Variants in SH3PXD2A observed in about 807,000 individuals in gnomAD.
SH3PXD2A encodes the protein SH3 and PX domains 2A, also known as SH3 and PX domain-containing protein 2A.
In SH3PXD2A, 32 loss-of-function variants were observed where a neutral mutation model predicts 115.2. The observed-to-expected ratio is 0.28, with a 90% CI of 0.21 to 0.37. The LOEUF is 0.37. SH3PXD2A is among the 10% of genes least tolerant of loss of function. SH3PXD2A has a pLI of 1.00. For missense variants in SH3PXD2A, 1,328 were observed against 1,498.7 expected (o/e 0.89, Z 1.88); for synonymous variants, 610 against 629.1 (o/e 0.97, Z 0.45).
intron 1 of SH3PXD2A, among the ~76,000 whole-genome samples, chr10:103,807,485 A>G (rs575038944): frequency 2.6e-5 from 4 of 152,328 alleles, no homozygotes; most frequent in Admixed American, 2.0e-4. Flanking sequence ...TCACTTGCTC[A>G]CATGACCATG....
rs1388545377 is a variant in SH3PXD2A at position 103,594,762 on chromosome 10, G to C, written c.*7054C>G. On this transcript the variant is annotated 3_prime_UTR_variant, in exon 15 of 15. Coordinates refer to ENST00000369774, the MANE Select transcript of SH3PXD2A (RefSeq NM_001394015.1). Reference sequence around the variant, plus strand: ...CTTGGTTATAAGGCAACGCAAAATGGTAGGGTATATCCATGGATGAATGTT... The same window carrying C: ...CTTGGTTATAAGGCAACGCAAAATGCTAGGGTATATCCATGGATGAATGTT... The C allele has an allele frequency of 6.6e-6, 1 of 151,992 alleles. No homozygotes were observed. The highest frequency in any genetic ancestry group is 1.5e-5 in the Non-Finnish European group (1 of 68,040). The allele number at this position is 151,992 out of a possible 1,614,324, so 9.4% of individuals were successfully genotyped here. A position where few individuals can be genotyped will look rare whatever the true frequency, so the allele number is the denominator to read the frequency against.
intron 2 of SH3PXD2A, among the ~76,000 whole-genome samples, chr10:103,797,222 C>T (rs956605791): frequency 3.3e-5 from 5 of 152,100 alleles, no homozygotes; most frequent in African/African-American, 1.2e-4. Flanking sequence ...TTTAATTGGA[C>T]ATCTCATATT....
intron 2 of SH3PXD2A, among the ~76,000 whole-genome samples, chr10:103,773,443 CTTT>C (rs545361723): frequency 3.2e-5 from 4 of 125,072 alleles, no homozygotes; most frequent in Non-Finnish European, 3.6e-5. Flanking sequence ...TTCTTTCTTT[CTTT>C]TTTTTTTTTT....
chr10:103,710,643 A>C (rs886387098), intron 5 of SH3PXD2A, among the ~76,000 whole-genome samples: 15 of 152,190 alleles, frequency 9.9e-5, no homozygotes, highest in African/African-American at 3.6e-4. Flanking sequence ...GGGTGTGTGC[A>C]GCCTCTCAGG....
intron 8 of SH3PXD2A, among the ~76,000 whole-genome samples, chr10:103,631,246 C>A (rs1184179789): frequency 6.6e-6 from 1 of 151,984 alleles, no homozygotes; most frequent in Non-Finnish European, 1.5e-5. Flanking sequence ...GCCTCGGTGA[C>A]AGGGCAAGAC....
chr10:103,836,035 G>C (rs1444603782), intron 1 of SH3PXD2A, among the ~76,000 whole-genome samples: 4 of 152,164 alleles, frequency 2.6e-5, no homozygotes, highest in African/African-American at 9.7e-5. Context: ...CCTTGAGTGA[G>C]TGACTCAGCC....
chr10:103,766,646 C>A (rs1311930795), intron 3 of SH3PXD2A, among the ~76,000 whole-genome samples: 3 of 152,168 alleles, frequency 2.0e-5, no homozygotes, highest in Non-Finnish European at 1.5e-5. Context: ...TAAACACACT[C>A]CAAAATGGTG....
intron 1 of SH3PXD2A, among the ~76,000 whole-genome samples, chr10:103,842,999 A>C (rs900862989): frequency 2.6e-5 from 4 of 152,304 alleles, no homozygotes; most frequent in Non-Finnish European, 5.9e-5. Flanking sequence ...TTAAGATGAG[A>C]GGTCAGGGAA....
At chr10:103,795,944 A>AAGGT in intron 2 of SH3PXD2A, among the ~76,000 whole-genome samples, 1 of 150,776 alleles carries the variant, frequency 6.6e-6, no homozygotes, top group Admixed American at 6.6e-5. Flanking sequence ...GGAAGGAAGG[A>AAGGT]AGGAAGGAAG....
In SH3PXD2A at chr10:103,666,804, C is replaced by A. The variant is rs1193135965; in HGVS notation, c.472+1804G>T. 6.6e-6 allele frequency among the ~76,000 whole-genome samples: 1 copy of A among 152,216 alleles called. No homozygotes were observed. The highest frequency in any genetic ancestry group is 1.5e-5 in the Non-Finnish European group (1 of 68,034). ...AAAGCAAGTGGAGGGAATGGGAGATCTGAGGAGCAGCAAAGCTGTTGGTTC... is the reference window on the plus strand; with the variant it reads ...AAAGCAAGTGGAGGGAATGGGAGATATGAGGAGCAGCAAAGCTGTTGGTTC... On this transcript the variant is annotated intron_variant, in intron 7 of 14. Transcript: ENST00000369774. The surrounding 1 kb of genome is among the most constrained non-coding windows in gnomAD (Gnocchi z 4.5).
rs1050813321 is a variant in SH3PXD2A, at chr10:103,595,801, C to T, written c.*6015G>A. On this transcript the variant is annotated 3_prime_UTR_variant, in exon 15 of 15. Coordinates refer to ENST00000369774, the MANE Select transcript of SH3PXD2A (RefSeq NM_001394015.1). Reference sequence around the variant, plus strand: ...CCCAACCTTATAGGCAGGCTGGGATCAAGACCTTGGAAGGTAGGGCTCTCC... The same window carrying T: ...CCCAACCTTATAGGCAGGCTGGGATTAAGACCTTGGAAGGTAGGGCTCTCC... 5 of 152,654 alleles carry T rather than the reference C, an allele frequency of 3.3e-5. No individual in the cohort carries two copies. The highest frequency in any genetic ancestry group is 1.3e-4 in the Admixed American group (2 of 15,288). 9.5% of individuals were successfully genotyped at this position (152,654 alleles called of 1,614,324 possible). A position where few individuals can be genotyped will look rare whatever the true frequency, so the allele number is the denominator to read the frequency against.
intron 5 of SH3PXD2A, among the ~76,000 whole-genome samples, chr10:103,701,446 T>TTCATCCATCCA (rs200339366): frequency 5.9e-5 from 8 of 136,224 alleles, no homozygotes; most frequent in Non-Finnish European, 9.4e-5. Flanking sequence ...CATCTATCCA[T>TTCATCCATCCA]TCATCCATCC....
chr10:103,658,023 A>T (rs1277641260), intron 8 of SH3PXD2A, among the ~76,000 whole-genome samples: 3 of 152,246 alleles, frequency 2.0e-5, no homozygotes, highest in African/African-American at 7.2e-5. Context: ...CTATTACTTC[A>T]GCCACAAATT....
chr10:103,601,702 T>TGGGGGGGGG lies in SH3PXD2A; in HGVS notation c.*113_*114insCCCCCCCCC. ...TCACCCATTCTGCAGTGTTGAATGT[T>TGGGGGGGGG]GTCCACCCCCCACCCCCCACCCCCA... On this transcript the variant is annotated 3_prime_UTR_variant, in exon 15 of 15. Coordinates refer to ENST00000369774, the MANE Select transcript of SH3PXD2A (RefSeq NM_001394015.1). 2 of 258,414 alleles carry TGGGGGGGGG rather than the reference T, an allele frequency of 7.7e-6. 1 individual carries two copies. 16.0% of individuals were successfully genotyped at this position (258,414 alleles called of 1,614,324 possible). A position where few individuals can be genotyped will look rare whatever the true frequency, so the allele number is the denominator to read the frequency against.
chr10:103,686,745 ATTTTTTT>A (rs760028346), intron 6 of SH3PXD2A, among the ~76,000 whole-genome samples: 1 of 128,574 alleles, frequency 7.8e-6, no homozygotes, highest in African/African-American at 2.9e-5. Context: ...TTGCTGGGGA[ATTTTTTT>A]TTTTTTTTTT....
intron 1 of SH3PXD2A, among the ~76,000 whole-genome samples, chr10:103,806,490 C>G (rs1253254038): frequency 6.6e-6 from 1 of 152,116 alleles, no homozygotes; most frequent in Non-Finnish European, 1.5e-5. Flanking sequence ...AGAGAAAGAA[C>G]AGGTGACAGG....
At position 103,602,955 on chromosome 10, in the gene SH3PXD2A, A is replaced by G; in HGVS notation, c.2263T>C (p.Ser755Pro). 6.2e-7 allele frequency: 1 copy of G among 1,614,184 alleles called. No individual in the cohort carries two copies. The highest frequency in any genetic ancestry group is 8.5e-7 in the Non-Finnish European group (1 of 1,180,042). ...GLTSCPRAKP[S>P]VRPKPFLNRA... is the part of the protein sequence containing the mutation. ...TTTAGGAATGGCTTGGGCCGGACCG[A>G]TGGCTTGGCCCGGGGACAGGAGGTC... Residue 755 changes from serine (S) to proline (P), a missense_variant, in exon 15 of 15, where the codon TCG (serine) becomes CCG (proline). Coordinates refer to ENST00000369774, the MANE Select transcript of SH3PXD2A (RefSeq NM_001394015.1).
chr10:103,648,842 G>A (rs1215532812), intron 8 of SH3PXD2A, among the ~76,000 whole-genome samples: 3 of 152,234 alleles, frequency 2.0e-5, no homozygotes, highest in Non-Finnish European at 4.4e-5. Flanking sequence ...CCTCGCGTGC[G>A]TGTGCACACC....
At chr10:103,621,115 G>A (rs963185281) in intron 10 of SH3PXD2A, among the ~76,000 whole-genome samples, 7 of 152,138 alleles carry the variant, frequency 4.6e-5, no homozygotes, top group Admixed American at 3.9e-4. Context: ...GTGACAGGGC[G>A]CACAGTCGTA....
Sources: allele counts gnomAD v4.1 joint callset (sites outside exome capture counted in the v4.1 genomes callset), GRCh38; gene constraint gnomAD v4.1.1; non-coding constraint Gnocchi (gnomAD v3.1); transcripts MANE v1.5; gene names NCBI Gene and HGNC (gene_info 2026-07-23, HGNC 2026-07-21).